The following FAF1 variants were observed in gnomAD, a reference collection of about 807,000 sequenced individuals.
FAF1 encodes Fas associated factor 1.
In FAF1, 25 loss-of-function variants were observed where a neutral mutation model predicts 92.5. That is an observed-to-expected ratio of 0.27 (90% CI 0.20 to 0.38). The LOEUF (loss-of-function observed/expected upper bound fraction) is 0.38, where lower values mean the gene tolerates loss of function less well. FAF1 is among the 10% of genes least tolerant of loss of function. The pLI, the probability that FAF1 is intolerant of heterozygous loss-of-function variation, is 1.00. For missense variants in FAF1, 636 were observed against 793.3 expected, an observed-to-expected ratio of 0.80 and a Z score of 2.38; for synonymous variants, 234 against 273.2, an observed-to-expected ratio of 0.86 and a Z score of 1.42.
intron 2 of FAF1, chr1:50,846,595 T>C (rs1222615678): frequency 1.9e-6 from 1 of 532,360 alleles, no homozygotes; most frequent in Non-Finnish European, 3.7e-6. Context: ...AAAACCTGGG[T>C]GAGTGAGCGC....
chr1:50,800,271 T>C (rs1047019443), intron 3 of FAF1, among the ~76,000 whole-genome samples: 4 of 152,206 alleles, frequency 2.6e-5, no homozygotes, highest in African/African-American at 4.8e-5. Flanking sequence ...ATATCCAATA[T>C]GTACTCAGAA....
chr1:50,956,955 A>C (rs912011513), intron 1 of FAF1, among the ~76,000 whole-genome samples: 4 of 152,236 alleles, frequency 2.6e-5, no homozygotes, highest in Non-Finnish European at 5.9e-5. Flanking sequence ...TCTCAGAAAA[A>C]ATAAATAAGT....
chr1:50,691,601 C>CT (rs1246244646), intron 7 of FAF1, among the ~76,000 whole-genome samples: 1 of 149,378 alleles, frequency 6.7e-6, no homozygotes, highest in Non-Finnish European at 1.5e-5. Context: ...TTGCTTTTTT[C>CT]TTTTTTTGAG....
Position 50,744,559 on chromosome 1 carries a change from A to G in FAF1, c.459+125T>C, listed in dbSNP as rs536081767. 51 of 659,974 alleles carry G rather than the reference A, an allele frequency of 7.7e-5. No individual in the cohort carries two copies. In the East Asian group the frequency reaches 1.3e-3, roughly 17 times the overall value. 40.9% of individuals were successfully genotyped at this position (659,974 alleles called of 1,614,324 possible). On this transcript the variant is annotated intron_variant, in intron 5 of 18. Coordinates refer to ENST00000396153, the MANE Select transcript of FAF1 (RefSeq NM_007051.3). ...ACACTACTTGCTGATTCCTTAAACTAAATTACTATTGCCAAATCTACTACT... is the reference window on the plus strand; with the variant it reads ...ACACTACTTGCTGATTCCTTAAACTGAATTACTATTGCCAAATCTACTACT...
intron 2 of FAF1, among the ~76,000 whole-genome samples, chr1:50,834,990 A>T (rs1644187439): frequency 1.3e-5 from 2 of 152,208 alleles, no homozygotes; most frequent in Admixed American, 1.3e-4. Context: ...CACAGCAAAG[A>T]AAGAAAGACT....
intron 6 of FAF1, among the ~76,000 whole-genome samples, chr1:50,708,216 G>A (rs994674617): frequency 6.6e-6 from 1 of 152,180 alleles, no homozygotes; most frequent in Non-Finnish European, 1.5e-5. Context: ...CTGGGGGTAG[G>A]GAGAGCAGAC....
At chr1:50,724,274 TATACACACACACACACACAC>T (rs1264819336) in intron 6 of FAF1, among the ~76,000 whole-genome samples, 30 of 113,320 alleles carry the variant, frequency 2.6e-4, no homozygotes, top group South Asian at 5.4e-4. Flanking sequence ...TATATATACA[TATACACACACACACACACAC>T]ATACACACAC....
chr1:50,753,433 A>C (rs1165983904), intron 4 of FAF1, among the ~76,000 whole-genome samples: 1 of 152,224 alleles, frequency 6.6e-6, no homozygotes, highest in African/African-American at 2.4e-5. Context: ...AGCTATTACA[A>C]AGAAAGTTGC....
At chr1:50,918,297 G>A (rs1050703394) in intron 1 of FAF1, among the ~76,000 whole-genome samples, 2 of 117,146 alleles carry the variant, frequency 1.7e-5, no homozygotes, top group Non-Finnish European at 3.5e-5. Context: ...ACCCACTAAC[G>A]TGTCATCTAG....
chr1:50,633,215 T>C (rs374191387), intron 8 of FAF1, among the ~76,000 whole-genome samples: 2 of 152,234 alleles, frequency 1.3e-5, no homozygotes, highest in African/African-American at 4.8e-5. Flanking sequence ...CATTTACTTA[T>C]TAAACAAGTG....
intron 6 of FAF1, among the ~76,000 whole-genome samples, chr1:50,730,626 A>G (rs1658874606): frequency 6.6e-6 from 1 of 151,980 alleles, no homozygotes; most frequent in Non-Finnish European, 1.5e-5. Flanking sequence ...TGAACATTTA[A>G]TTTTCTCATG....
chr1:50,899,660 C>T (rs1480747176), intron 1 of FAF1, among the ~76,000 whole-genome samples: 2 of 152,164 alleles, frequency 1.3e-5, no homozygotes, highest in African/African-American at 2.4e-5. Context: ...ACCATGTTGG[C>T]CAGGCTGGTC....
At chr1:50,903,445 TTATAAC>T (rs1360636940) in intron 1 of FAF1, among the ~76,000 whole-genome samples, 4 of 152,184 alleles carry the variant, frequency 2.6e-5, no homozygotes, top group African/African-American at 7.2e-5. Flanking sequence ...CTCTGTCATC[TTATAAC>T]TATATCTAGT....
At chr1:50,913,835 G>A (rs920120500) in intron 1 of FAF1, among the ~76,000 whole-genome samples, 1 of 152,128 alleles carries the variant, frequency 6.6e-6, no homozygotes, top group Non-Finnish European at 1.5e-5. Flanking sequence ...ACTTACTATG[G>A]CCTGAGTAAA....
rs17106367 is a variant in FAF1 at position 50,775,903 on chromosome 1, A to G, written c.367+12097T>C. 7.0e-3 allele frequency among the ~76,000 whole-genome samples: 1,071 copies of G among 152,276 alleles called. 12 individuals carry two copies. The highest frequency in any genetic ancestry group is 0.025 in the African/African-American group (1,033 of 41,572). The stretch of plus-strand genomic sequence containing the variant: ...CCTAGTTACACATACAAACATGCCA[A>G]CAGGGAAAACAGAGAAAGTATATAA... On this transcript the variant is annotated intron_variant, in intron 4 of 18. Coordinates refer to ENST00000396153, the MANE Select transcript of FAF1 (RefSeq NM_007051.3).
In FAF1 at chr1:50,584,899, A is replaced by C. The variant is rs187976565; in HGVS notation, c.841-88T>G. 1,625 of 1,217,820 alleles carry C rather than the reference A, an allele frequency of 1.3e-3. 2 individuals are homozygous for C. The highest frequency in any genetic ancestry group is 1.0e-3 in the Non-Finnish European group (911 of 872,950). 75.4% of individuals were successfully genotyped at this position (1,217,820 alleles called of 1,614,324 possible). ...GTTATAATAATAACAACAGGACATA[A>C]GCGTTATAAAATTTTTATCAAATAA... On this transcript the variant is annotated intron_variant, in intron 9 of 18. Transcript: ENST00000396153.
chr1:50,562,976 A>G (rs1649998402), intron 13 of FAF1, among the ~76,000 whole-genome samples: 1 of 152,258 alleles, frequency 6.6e-6, no homozygotes, highest in Non-Finnish European at 1.5e-5. Flanking sequence ...TAAACAATAC[A>G]GTATAACAAC....
intron 15 of FAF1, among the ~76,000 whole-genome samples, chr1:50,503,888 C>A (rs1325970676): frequency 6.6e-6 from 1 of 152,096 alleles, no homozygotes; most frequent in African/African-American, 2.4e-5. Context: ...GCTTGACAGA[C>A]AGAGACAGCA....
At chr1:50,677,251 AAT>A (rs1211975285) in intron 7 of FAF1, among the ~76,000 whole-genome samples, 1 of 152,182 alleles carries the variant, frequency 6.6e-6, no homozygotes, top group East Asian at 1.9e-4. Flanking sequence ...TGTCAGTAAG[AAT>A]ATACTTGTGT....
Sources: gnomAD v4.1 joint callset for allele counts (sites outside exome capture counted in the v4.1 genomes callset) on GRCh38, gnomAD v4.1.1 for gene constraint, MANE v1.5 for transcripts, NCBI Gene and HGNC (gene_info 2026-07-23, HGNC 2026-07-21) for gene names.